The following PRSS21 variants were observed in gnomAD, a reference collection of about 807,000 sequenced individuals.
PRSS21 encodes serine protease 21.
PRSS21 carries 40 observed loss-of-function variants against 31.1 expected under a neutral mutation model. That is an observed-to-expected ratio of 1.29 (90% CI 1.00 to 1.68). The LOEUF is 1.68. PRSS21 is among the 40% of genes most tolerant of loss of function. The pLI is 0.00. For missense variants in PRSS21, 467 were observed against 412.6 expected, an observed-to-expected ratio of 1.13 and a Z score of -1.14; for synonymous variants, 186 against 167.7, an observed-to-expected ratio of 1.11 and a Z score of -0.84.
Position 2,817,747 on chromosome 16 carries a change from G to T in PRSS21, c.92-54G>T. 1 of 1,531,834 alleles carries T rather than the reference G, an allele frequency of 6.5e-7. No homozygotes were observed. The highest frequency in any genetic ancestry group is 8.8e-7 in the Non-Finnish European group (1 of 1,137,796). The allele number at this position is 1,531,834 out of a possible 1,614,324, so 94.9% of individuals were successfully genotyped here. On this transcript the variant is annotated intron_variant, in intron 2 of 5. Transcript: ENST00000005995. This position sits in a 1 kb window ranked among gnomAD's most constrained non-coding sequence, Gnocchi z 4.2. ...GGGGTTGAAGGGGAGAAAGGGAGAG[G>T]TCGGGCTTGGGGGGCTGCCTCCCGC...
rs773215467 is a variant in PRSS21 at position 2,818,963 on chromosome 16, G to A, written c.544G>A (p.Asp182Asn). The change falls in exon 4 of 6, where the codon GAT (aspartate) becomes AAT (asparagine). Residue 182 changes from aspartate to asparagine, a missense_variant. By Grantham distance (23) the Asp-to-Asn change is conservative. Coordinates refer to ENST00000005995, the MANE Select transcript of PRSS21 (RefSeq NM_006799.4). ...WVTGWGYIKE[D>N]EALPSPHTLQ... The stretch of plus-strand genomic sequence containing the variant: ...GACTGGCTGGGGGTACATCAAAGAG[G>A]ATGAGGGTGAGGCTGGGGACAGGCG... 1 of 1,613,962 alleles carries A rather than the reference G, an allele frequency of 6.2e-7. No homozygotes were observed. The highest frequency in any genetic ancestry group is 8.5e-7 in the Non-Finnish European group (1 of 1,179,824).
chr16:2,818,891 C>G lies in PRSS21; in HGVS notation c.472C>G (p.Leu158Val). 1.2e-6 allele frequency: 2 copies of G among 1,614,234 alleles called. No homozygotes were observed. Among genetic ancestry groups the G allele is most frequent in the Non-Finnish European group, 1.7e-6 (2 of 1,180,032 alleles). ...TYTKHIQPIC[L>V]QASTFEFENR... ...CACTAAACACATCCAGCCCATCTGT[C>G]TCCAGGCCTCCACATTTGAGTTTGA... The change falls in exon 4 of 6, where the codon CTC becomes GTC. Residue 158 changes from leucine to valine, a missense_variant. Leu to Val is a conservative substitution (Grantham distance 32). Transcript: ENST00000005995.
intron 4 of PRSS21, among the ~76,000 whole-genome samples, chr16:2,820,353 G>C (rs775244865): frequency 6.6e-6 from 1 of 152,230 alleles, no homozygotes; most frequent in South Asian, 2.1e-4. Context: ...ACAAGGTGCT[G>C]GCTGGCACTC....
At chr16:2,819,390 C>T (rs951572627) in intron 4 of PRSS21, among the ~76,000 whole-genome samples, 6 of 152,354 alleles carry the variant, frequency 3.9e-5, no homozygotes, top group Middle Eastern at 3.4e-3. Flanking sequence ...GCCCATTCCT[C>T]TCCCCAGAAA....
intron 4 of PRSS21, among the ~76,000 whole-genome samples, chr16:2,819,375 A>G (rs2069134436): frequency 6.6e-6 from 1 of 152,084 alleles, no homozygotes; most frequent in African/African-American, 2.4e-5. Context: ...CTCCTGCAGC[A>G]CTGAGCCCAT....
In PRSS21 at chr16:2,817,311, C is replaced by G. The variant is rs528946126; in HGVS notation, c.43C>G (p.Arg15Gly). The change falls in exon 1 of 6, where the codon CGG becomes GGG. Residue 15 changes from arginine (R) to glycine (G), a missense_variant. Transcript: ENST00000005995. This position sits in a 1 kb window ranked among gnomAD's most constrained non-coding sequence, Gnocchi z 4.2. ...GALLLALLLA[R>G]AGLRKPESQE... Reference sequence around the variant, plus strand: ...GCTGCTGCTGGCGCTGCTGCTGGCTCGGGCTGGACTCAGGAAGCCGGGTGA... The same window carrying G: ...GCTGCTGCTGGCGCTGCTGCTGGCTGGGGCTGGACTCAGGAAGCCGGGTGA... 3.9e-6 allele frequency: 6 copies of G among 1,543,384 alleles called. No individual in the cohort carries two copies. The highest frequency in any genetic ancestry group is 2.4e-5 in the East Asian group (1 of 41,142).
chr16:2,819,952 A>G (rs1483716251), intron 4 of PRSS21, among the ~76,000 whole-genome samples: 1 of 152,106 alleles, frequency 6.6e-6, no homozygotes, highest in Non-Finnish European at 1.5e-5. Flanking sequence ...GCCTTCCCTG[A>G]GAAGGACCCT....
chr16:2,818,529 G>C (rs1447822980), intron 3 of PRSS21, 148 bp from the exon 4 acceptor site: 2 of 777,518 alleles, frequency 2.6e-6, no homozygotes, highest in African/African-American at 3.5e-5. Context: ...GTTGTGGTCT[G>C]TCTGGGCTCC....
In PRSS21 at chr16:2,817,739, A is replaced by G; in HGVS notation, c.92-62A>G. On this transcript the variant is annotated intron_variant, in intron 2 of 5. Coordinates refer to ENST00000005995, the MANE Select transcript of PRSS21 (RefSeq NM_006799.4). The surrounding 1 kb of genome is among the most constrained non-coding windows in gnomAD (Gnocchi z 4.2). ...TCCCGGACGGGGTTGAAGGGGAGAA[A>G]GGGAGAGGTCGGGCTTGGGGGGCTG... The G allele has an allele frequency of 6.6e-7, 1 of 1,524,262 alleles. No individual in the cohort carries two copies. The highest frequency in any genetic ancestry group is 8.8e-7 in the Non-Finnish European group (1 of 1,133,302). 94.4% of individuals were successfully genotyped at this position (1,524,262 alleles called of 1,614,324 possible). A position where few individuals can be genotyped will look rare whatever the true frequency, so the allele number is the denominator to read the frequency against.
chr16:2,818,624 A>G, intron 3 of PRSS21, 53 bp from the exon 4 acceptor site: 2 of 1,558,668 alleles, frequency 1.3e-6, no homozygotes, highest in Non-Finnish European at 8.8e-7. Context: ...AGTTGTGCTC[A>G]GGTAGCCAGC....
intron 5 of PRSS21, 98 bp downstream of exon 5, chr16:2,821,207 C>T (rs1385021265): frequency 1.3e-6 from 2 of 1,549,816 alleles, no homozygotes; most frequent in Non-Finnish European, 1.8e-6. Context: ...GAGACTGTTG[C>T]CCCACTCTGC....
intron 3 of PRSS21, 97 bp from the exon 4 acceptor site, chr16:2,818,580 C>A: frequency 7.9e-7 from 1 of 1,264,448 alleles, no homozygotes; most frequent in Non-Finnish European, 1.1e-6. Context: ...CAAGTAGCAG[C>A]AACACCACAG....
In PRSS21 at chr16:2,821,643, G is replaced by A. The variant is rs1191947925; in HGVS notation, c.*38G>A. On this transcript the variant is annotated 3_prime_UTR_variant, in exon 6 of 6. Transcript: ENST00000005995. ...CCATGCAGCCTGGGGCCACTGCCAA[G>A]TCAGGCCCTGGTTCTCTTCTGTCTT... 6.3e-7 allele frequency: 1 copy of A among 1,593,286 alleles called. No homozygotes were observed. The highest frequency in any genetic ancestry group is 1.1e-5 in the South Asian group (1 of 90,518).
In PRSS21 at chr16:2,821,024, T is replaced by C. The variant is rs199690316; in HGVS notation, c.620T>C (p.Leu207Pro). Residue 207 changes from leucine (L) to proline (P), a missense_variant, in exon 5 of 6, where the codon CTC (leucine) becomes CCC (proline). Coordinates refer to ENST00000005995, the MANE Select transcript of PRSS21 (RefSeq NM_006799.4). ...ATAAACAACTCTATGTGCAACCACC[T>C]CTTCCTCAAGTACAGTTTCCGCAAG... is the stretch of plus-strand genomic sequence containing the variant. ...AIINNSMCNHLFLKYSFRKDI... is the reference protein window; with the variant it reads ...AIINNSMCNHPFLKYSFRKDI... 6.2e-7 allele frequency: 1 copy of C among 1,614,134 alleles called. No individual in the cohort carries two copies. Among genetic ancestry groups the C allele is most frequent in the Non-Finnish European group, 8.5e-7 (1 of 1,180,012 alleles).
At chr16:2,818,628 A>G in intron 3 of PRSS21, 49 bp from the exon 4 acceptor site, 2 of 1,569,560 alleles carry the variant, frequency 1.3e-6, no homozygotes, top group Non-Finnish European at 1.7e-6. Flanking sequence ...GTGCTCAGGT[A>G]GCCAGCCCTC....
Position 2,821,437 on chromosome 16 carries a change from A to G in PRSS21, c.777A>G (p.Gly259=). The G allele has an allele frequency of 6.2e-7, 1 of 1,614,172 alleles. No individual in the cohort carries two copies. Among genetic ancestry groups the G allele is most frequent in the Non-Finnish European group, 8.5e-7 (1 of 1,180,016 alleles). ...ATCAGATTGGAGTCGTGAGCTGGGG[A>G]GTGGGCTGTGGTCGGCCCAATCGGC... The part of the protein sequence containing the change: ...LWYQIGVVSW[G]VGCGRPNRPG... Residue 259 remains glycine (G), a synonymous_variant, in exon 6 of 6, where the codon GGA becomes GGG. Coordinates refer to ENST00000005995, the MANE Select transcript of PRSS21 (RefSeq NM_006799.4).
Position 2,821,529 on chromosome 16 carries a change from T to G in PRSS21, c.869T>G (p.Met290Arg). 1 of 1,614,226 alleles carries G rather than the reference T, an allele frequency of 6.2e-7. No individual in the cohort carries two copies. Among genetic ancestry groups the G allele is most frequent in the East Asian group, 2.2e-5 (1 of 44,888 alleles). ...WIQKLMAQSGMSQPDPSWPLL... is the reference protein window; with the variant it reads ...WIQKLMAQSGRSQPDPSWPLL... ...CAGAAGCTGATGGCCCAGAGTGGCATGTCCCAGCCAGACCCCTCCTGGCCG... is the reference window on the plus strand; with the variant it reads ...CAGAAGCTGATGGCCCAGAGTGGCAGGTCCCAGCCAGACCCCTCCTGGCCG... Residue 290 changes from methionine (M) to arginine (R), a missense_variant, in exon 6 of 6, where the codon ATG (methionine) becomes AGG (arginine). Coordinates refer to ENST00000005995, the MANE Select transcript of PRSS21 (RefSeq NM_006799.4).
chr16:2,821,235 C>G, intron 5 of PRSS21, 126 bp downstream of exon 5: 2 of 1,536,704 alleles, frequency 1.3e-6, no homozygotes, highest in Non-Finnish European at 8.9e-7. Flanking sequence ...GAAACGGAGG[C>G]TTGGCTGCTG....
Position 2,821,364 on chromosome 16 carries a change from A to C in PRSS21, c.706-2A>C, listed in dbSNP as rs1567276267. On this transcript the variant is annotated splice_acceptor_variant, in intron 5 of 5. Coordinates refer to ENST00000005995, the MANE Select transcript of PRSS21 (RefSeq NM_006799.4). LOFTEE classifies it high-confidence loss of function. ...GCTGACCTCAGCCCCGCTGCTCCCC[A>C]GGGTGACTCAGGTGGACCCTTGGCC... is the stretch of plus-strand genomic sequence containing the variant. 3.1e-6 allele frequency: 5 copies of C among 1,613,868 alleles called. No homozygotes were observed. In the Admixed American group the frequency reaches 5.0e-5, roughly 16 times the overall value.
Sources: allele counts gnomAD v4.1 joint callset (sites outside exome capture counted in the v4.1 genomes callset), GRCh38; gene constraint gnomAD v4.1.1; non-coding constraint Gnocchi (gnomAD v3.1); transcripts MANE v1.5; gene names NCBI Gene and HGNC (gene_info 2026-07-23, HGNC 2026-07-21).